PRELID2: variants seen among roughly 807,000 people sequenced by gnomAD.
PRELID2 encodes the protein PRELI domain-containing protein 2.
Under a neutral mutation model 28.4 loss-of-function variants are expected in PRELID2, and 25 were observed. The observed-to-expected ratio is 0.88, with a 90% confidence interval of 0.64 to 1.23. The LOEUF (loss-of-function observed/expected upper bound fraction) is 1.23, where lower values mean the gene tolerates loss of function less well. Ranked by LOEUF, PRELID2 falls within the 50% of genes most tolerant of loss-of-function variation. The pLI is 0.00. For missense variants in PRELID2, 201 were observed against 214.4 expected (o/e 0.94, Z 0.39); for synonymous variants, 76 against 71.6 (o/e 1.06, Z -0.31).
At chr5:145,812,757 G>A (rs969498896) in intron 4 of PRELID2, among the ~76,000 whole-genome samples, 3 of 152,148 alleles carry the variant, frequency 2.0e-5, no homozygotes, top group African/African-American at 7.2e-5. Flanking sequence ...CTGGGTTCTG[G>A]GAGAGTCAGA....
rs185977645 is a variant in PRELID2, at chr5:145,545,654, A to G, written n.71-72339T>C. ...GAAGGAAAGGGCCTTGGCCTCGGTC[A>G]TGCAACCAGCATTTGTAAATGAATC... On this transcript the variant is annotated intron_variant and non_coding_transcript_variant, in intron 1 of 2. Transcript: ENST00000510259. Among the ~76,000 whole-genome samples, 595 of 152,256 alleles carry G rather than the reference A, an allele frequency of 3.9e-3. 5 individuals are homozygous for G. The highest frequency in any genetic ancestry group is 0.014 in the African/African-American group (566 of 41,552).
chr5:145,740,416 T>G (rs866258407), intron 1 of PRELID2, among the ~76,000 whole-genome samples: 187 of 138,616 alleles, frequency 1.3e-3, no homozygotes, highest in Middle Eastern at 3.8e-3. Context: ...TCATTATAGG[T>G]GGTGACTACA....
chr5:145,273,246 G>A, the PRELID2 span, among the ~76,000 whole-genome samples: 6 of 152,122 alleles, frequency 3.9e-5, no homozygotes, highest in Non-Finnish European at 8.8e-5. Flanking sequence ...GAAGTGGCCA[G>A]TATTACCAAA....
At chr5:145,456,943 C>T in the PRELID2 span, among the ~76,000 whole-genome samples, 2 of 151,940 alleles carry the variant, frequency 1.3e-5, no homozygotes, top group Non-Finnish European at 2.9e-5. Flanking sequence ...TGATAAAGGG[C>T]AAGAAAACAA....
chr5:145,428,595 A>T, the PRELID2 span, among the ~76,000 whole-genome samples: 1 of 152,176 alleles, frequency 6.6e-6, no homozygotes, highest in Admixed American at 6.5e-5. Flanking sequence ...ATGACAAGTT[A>T]ATGGGTGCAG....
the PRELID2 span, among the ~76,000 whole-genome samples, chr5:145,389,046 T>G: frequency 6.6e-6 from 1 of 152,184 alleles, no homozygotes; most frequent in Admixed American, 6.6e-5. Context: ...ACATAATAGA[T>G]GCTTGATAAA....
At chr5:145,605,640 T>G (rs929398141) in intron 1 of PRELID2, among the ~76,000 whole-genome samples, 2 of 152,164 alleles carry the variant, frequency 1.3e-5, no homozygotes, top group African/African-American at 2.4e-5. Context: ...TGCTTAGGAT[T>G]GCCTTGGCTA....
rs569496708 is a variant in PRELID2, at chr5:145,697,997, T to A, written n.70+66934A>T. Among the ~76,000 whole-genome samples the A allele has an allele frequency of 9.3e-3, 1,367 of 146,490 alleles. 16 individuals are homozygous for A. The highest frequency in any genetic ancestry group is 0.031 in the African/African-American group (1,222 of 39,636). The stretch of plus-strand genomic sequence containing the variant: ...GTCCTAATGTCCCTCAAAAAAAATA[T>A]ATATATATATATACATGAAGTTACG... On this transcript the variant is annotated intron_variant and non_coding_transcript_variant, in intron 1 of 2. Coordinates refer to the PRELID2 transcript ENST00000510259.
chr5:145,803,596 C>T (rs1753292768), intron 4 of PRELID2, among the ~76,000 whole-genome samples: 1 of 152,088 alleles, frequency 6.6e-6, no homozygotes, highest in African/African-American at 2.4e-5. Context: ...CATGAGTTCT[C>T]ACAAGGTTGA....
intron 4 of PRELID2, among the ~76,000 whole-genome samples, chr5:145,816,996 C>A (rs4334932): frequency 0.71 from 106,422 of 149,404 alleles, 38,763 homozygotes; most frequent in Non-Finnish European, 0.81. Flanking sequence ...CCCGTATCTA[C>A]GAAACAAATT....
the PRELID2 span, among the ~76,000 whole-genome samples, chr5:145,416,571 G>A: frequency 6.6e-6 from 1 of 152,044 alleles, no homozygotes; most frequent in Non-Finnish European, 1.5e-5. Flanking sequence ...TGAATTTAAG[G>A]CAGAAATCAG....
At chr5:145,570,390 C>T (rs184296089) in intron 1 of PRELID2, among the ~76,000 whole-genome samples, 1 of 152,228 alleles carries the variant, frequency 6.6e-6, no homozygotes, top group East Asian at 1.9e-4. Flanking sequence ...TTTCCACTCA[C>T]TTGAACTCTA....
intron 1 of PRELID2, chr5:145,728,663 G>T: frequency 3.4e-6 from 5 of 1,487,456 alleles, no homozygotes; most frequent in Non-Finnish European, 4.7e-6. Context: ...CAATGAATTT[G>T]TGGTTATAGT....
At chr5:145,650,783 C>G (rs889702545) in intron 1 of PRELID2, among the ~76,000 whole-genome samples, 1 of 151,828 alleles carries the variant, frequency 6.6e-6, no homozygotes, top group African/African-American at 2.4e-5. Flanking sequence ...GACTTGGTTC[C>G]AAGATGGCTG....
the PRELID2 span, among the ~76,000 whole-genome samples, chr5:145,251,208 G>A: frequency 2.0e-5 from 3 of 152,086 alleles, no homozygotes; most frequent in African/African-American, 7.2e-5. Context: ...CAGATCAGCA[G>A]CAGAGGGCAA....
chr5:145,480,615 A>G lies in PRELID2; in HGVS notation n.71-7300T>C, dbSNP rs114332291. Among the ~76,000 whole-genome samples the G allele has an allele frequency of 7.1e-3, 1,080 of 152,264 alleles. 10 individuals carry two copies. The highest frequency in any genetic ancestry group is 0.025 in the African/African-American group (1,021 of 41,556). ...ATTTTATTTCATTGATCTTCAATGG[A>G]GGATATCATTATTTCCAGTTTACAG... On this transcript the variant is annotated intron_variant and non_coding_transcript_variant, in intron 1 of 2. Transcript: ENST00000510259.
chr5:145,697,192 G>A (rs529218227), intron 1 of PRELID2, among the ~76,000 whole-genome samples: 2 of 150,984 alleles, frequency 1.3e-5, no homozygotes, highest in African/African-American at 4.9e-5. Context: ...ACATATATTT[G>A]ACTGGTATGG....
chr5:145,285,156 G>T, the PRELID2 span, among the ~76,000 whole-genome samples: 1 of 152,026 alleles, frequency 6.6e-6, no homozygotes, highest in Admixed American at 6.6e-5. Flanking sequence ...TCAACTTTTT[G>T]TCTTCTTCCC....
the PRELID2 span, among the ~76,000 whole-genome samples, chr5:145,439,638 C>T: frequency 6.6e-6 from 1 of 152,042 alleles, no homozygotes; most frequent in Non-Finnish European, 1.5e-5. Flanking sequence ...TCTAGTTACC[C>T]AGACCTAAAG....
Sources: allele counts gnomAD v4.1 joint callset (sites outside exome capture counted in the v4.1 genomes callset), GRCh38; gene constraint gnomAD v4.1.1; transcripts MANE v1.5; gene names NCBI Gene and HGNC (gene_info 2026-07-23, HGNC 2026-07-21).